Variants in MCTP1 observed in about 807,000 individuals in gnomAD.
MCTP1 encodes multiple C2 and transmembrane domain containing 1.
In MCTP1, 69 loss-of-function variants were observed where a neutral mutation model predicts 120.6. The observed-to-expected ratio is 0.57, with a 90% confidence interval of 0.47 to 0.70. The LOEUF is 0.70. Among genes scored for constraint, MCTP1 ranks in the 30% least tolerant of loss-of-function variants. MCTP1 has a pLI of 0.00. For synonymous variants in MCTP1, 529 were observed against 493.1 expected (o/e 1.07, Z -0.96); for missense variants, 1,203 against 1,248.8 (o/e 0.96, Z 0.55).
intron 1 of MCTP1, among the ~76,000 whole-genome samples, chr5:95,198,882 T>C (rs1750684999): frequency 6.6e-6 from 1 of 152,204 alleles, no homozygotes; most frequent in African/African-American, 2.4e-5. Flanking sequence ...TGGCAATTTG[T>C]AGGGAGACAT....
chr5:95,025,064 A>G (rs2153682873), intron 1 of MCTP1, among the ~76,000 whole-genome samples: 2 of 152,320 alleles, frequency 1.3e-5, no homozygotes, highest in East Asian at 3.9e-4. Context: ...AATAGAATAA[A>G]TAATCTAAAA....
At chr5:95,115,338 G>C (rs1203083884) in intron 1 of MCTP1, among the ~76,000 whole-genome samples, 1 of 151,944 alleles carries the variant, frequency 6.6e-6, no homozygotes, top group Non-Finnish European at 1.5e-5. Flanking sequence ...TTCAGACAGA[G>C]AATCAAAAAT....
intron 1 of MCTP1, among the ~76,000 whole-genome samples, chr5:95,049,246 C>T (rs536859204): frequency 2.6e-5 from 4 of 152,176 alleles, no homozygotes; most frequent in Middle Eastern, 3.4e-3. Context: ...TTTCGCACTT[C>T]CCGTTAAATT....
chr5:95,074,793 A>T (rs546757624), intron 1 of MCTP1, among the ~76,000 whole-genome samples: 1 of 152,364 alleles, frequency 6.6e-6, no homozygotes, highest in East Asian at 1.9e-4. Context: ...CCACAAGGAA[A>T]TTAGGTCAAG....
intron 19 of MCTP1, among the ~76,000 whole-genome samples, chr5:94,765,454 C>G (rs567946547): frequency 9.4e-4 from 143 of 152,200 alleles, no homozygotes; most frequent in Admixed American, 1.7e-3. Context: ...CATCTCAGCA[C>G]TTTGGGAGGG....
At chr5:94,892,869 T>C (rs1266534885) in intron 11 of MCTP1, among the ~76,000 whole-genome samples, 1 of 152,218 alleles carries the variant, frequency 6.6e-6, no homozygotes, top group African/African-American at 2.4e-5. Flanking sequence ...TCATGATCCT[T>C]ATAATAAAAG....
At chr5:94,959,057 A>G (rs1377945737) in intron 2 of MCTP1, among the ~76,000 whole-genome samples, 1 of 152,210 alleles carries the variant, frequency 6.6e-6, no homozygotes, top group African/African-American at 2.4e-5. Context: ...CAGCACATTA[A>G]AAAGCTTATC....
intron 13 of MCTP1, 151 bp from the exon 14 acceptor site, chr5:94,871,568 C>G: frequency 1.6e-6 from 1 of 616,404 alleles, no homozygotes; most frequent in Non-Finnish European, 2.9e-6. Flanking sequence ...AGCTTGGTAT[C>G]TGACAGAATT....
At chr5:95,097,444 T>A (rs549213767) in intron 1 of MCTP1, among the ~76,000 whole-genome samples, 1 of 152,310 alleles carries the variant, frequency 6.6e-6, no homozygotes, top group East Asian at 1.9e-4. Flanking sequence ...GGCCTTGGGA[T>A]AGGAAAGACC....
intron 1 of MCTP1, among the ~76,000 whole-genome samples, chr5:95,176,533 A>G (rs251081): frequency 0.17 from 25,392 of 152,184 alleles, 2,503 homozygotes; most frequent in African/African-American, 0.28. Context: ...TTAAACAACA[A>G]CAAAAACAGC....
chr5:95,092,133 G>A (rs1463486442), intron 1 of MCTP1, among the ~76,000 whole-genome samples: 1 of 152,176 alleles, frequency 6.6e-6, no homozygotes, highest in Non-Finnish European at 1.5e-5. Flanking sequence ...TGGTGATCTA[G>A]CTAAGGAGAT....
At chr5:95,088,987 A>G (rs772939927) in intron 1 of MCTP1, among the ~76,000 whole-genome samples, 5 of 152,210 alleles carry the variant, frequency 3.3e-5, no homozygotes, top group Non-Finnish European at 5.9e-5. Flanking sequence ...TTTCAGTGCT[A>G]TTGTAGGCAC....
chr5:94,799,020 C>T lies in MCTP1; in HGVS notation c.2549G>A (p.Arg850His), dbSNP rs781178239. ...AAGAGAGTAGAGACTTACTGTATCA[C>T]GTTGCCTGTTATCTTTCCCTGATAT... ...LIISGKDNRQ[R>H]DTVVEDMLED... Residue 850 changes from arginine to histidine, a missense_variant, in exon 18 of 23, where the codon CGT becomes CAT. This residue lies in a region of MCTP1 where 740 missense variants were observed against 871.1 expected (regional missense o/e 0.85). Transcript: ENST00000515393. 6.2e-6 allele frequency: 10 copies of T among 1,611,050 alleles called. No homozygotes were observed. The highest frequency in any genetic ancestry group is 3.3e-5 in the Admixed American group (2 of 59,702).
intron 18 of MCTP1, among the ~76,000 whole-genome samples, chr5:94,786,076 C>A (rs539828121): frequency 1.7e-4 from 26 of 152,120 alleles, no homozygotes; most frequent in Middle Eastern, 6.8e-3. Context: ...ACAACAACAA[C>A]AAAAAATTTA....
At chr5:95,028,821 T>C (rs1353562594) in intron 1 of MCTP1, among the ~76,000 whole-genome samples, 1 of 152,232 alleles carries the variant, frequency 6.6e-6, no homozygotes, top group Admixed American at 6.5e-5. Flanking sequence ...TTTTCTAATC[T>C]TTAAAATAGG....
At chr5:95,227,625 T>G (rs1347270948) in intron 1 of MCTP1, among the ~76,000 whole-genome samples, 1 of 152,204 alleles carries the variant, frequency 6.6e-6, no homozygotes, top group Non-Finnish European at 1.5e-5. Flanking sequence ...TCAGGGCACA[T>G]GTACAATTGT....
At chr5:94,743,787 G>A (rs931038601) in intron 19 of MCTP1, among the ~76,000 whole-genome samples, 5 of 151,940 alleles carry the variant, frequency 3.3e-5, no homozygotes, top group South Asian at 2.1e-4. Context: ...ACAGGCACCT[G>A]CCACCACACC....
chr5:94,937,302 C>T (rs530375406), intron 5 of MCTP1, among the ~76,000 whole-genome samples: 7 of 151,958 alleles, frequency 4.6e-5, no homozygotes, highest in Non-Finnish European at 1.0e-4. Context: ...TGAAAAATAC[C>T]TTTGGAAGGA....
intron 1 of MCTP1, among the ~76,000 whole-genome samples, chr5:95,213,502 G>A (rs1168329116): frequency 6.6e-6 from 1 of 151,980 alleles, no homozygotes; most frequent in Non-Finnish European, 1.5e-5. Flanking sequence ...TCACAGAATT[G>A]GAAAAAACTA....
Sources: gnomAD v4.1 joint callset for allele counts (sites outside exome capture counted in the v4.1 genomes callset) on GRCh38, gnomAD v4.1.1 for gene constraint, gnomAD v4.1.1 regional missense constraint, MANE v1.5 for transcripts, NCBI Gene and HGNC (gene_info 2026-07-23, HGNC 2026-07-21) for gene names.